The following MTARC1 variants were observed in gnomAD, a reference collection of about 807,000 sequenced individuals.
MTARC1 encodes mitochondrial amidoxime-reducing component 1.
A neutral mutation model predicts 33.6 loss-of-function variants in MTARC1; 24 were observed. The ratio of observed to expected loss-of-function variants is 0.72; its 90% confidence interval spans 0.52 to 1.01. The LOEUF is 1.01. Among genes scored for constraint, MTARC1 ranks in the 50% least tolerant of loss-of-function variants. The pLI is 0.00. For missense variants in MTARC1, 417 were observed against 445.7 expected, an observed-to-expected ratio of 0.94 and a Z score of 0.58; for synonymous variants, 187 against 189.5, an observed-to-expected ratio of 0.99 and a Z score of 0.11.
chr1:220,810,668 T>G (rs1297762186), intron 6 of MTARC1, among the ~76,000 whole-genome samples: 1 of 150,264 alleles, frequency 6.7e-6, no homozygotes, highest in Non-Finnish European at 1.5e-5. Flanking sequence ...AGTGAGTGTG[T>G]CTGTGCTTGG....
At chr1:220,789,728 G>A (rs1672364717) in intron 1 of MTARC1, among the ~76,000 whole-genome samples, 1 of 152,192 alleles carries the variant, frequency 6.6e-6, no homozygotes, top group African/African-American at 2.4e-5. Flanking sequence ...ATATTATTCA[G>A]CCATGAAAAG....
At chr1:220,791,977 G>A (rs778199425) in intron 2 of MTARC1, among the ~76,000 whole-genome samples, 2 of 152,110 alleles carry the variant, frequency 1.3e-5, no homozygotes, top group Non-Finnish European at 2.9e-5. Context: ...CAAAAATGGG[G>A]TGGGAGTGGT....
chr1:220,810,457 A>G (rs1408381019), intron 6 of MTARC1, among the ~76,000 whole-genome samples: 1 of 152,128 alleles, frequency 6.6e-6, no homozygotes, highest in Non-Finnish European at 1.5e-5. Flanking sequence ...AGGCCGGCCC[A>G]CCGAGAACCC....
rs918195438 is a variant in MTARC1 at position 220,818,696 on chromosome 1, C to T, written c.*5278C>T. The T allele has an allele frequency of 6.6e-6, 1 of 152,160 alleles. No individual in the cohort carries two copies. The highest frequency in any genetic ancestry group is 1.9e-4 in the East Asian group (1 of 5,196). 9.4% of individuals were successfully genotyped at this position (152,160 alleles called of 1,614,324 possible). A position where few individuals can be genotyped will look rare whatever the true frequency, so the allele number is the denominator to read the frequency against. On this transcript the variant is annotated 3_prime_UTR_variant, in exon 7 of 7. Transcript: ENST00000366910. ...TAAGTTAAGTCTAACTTTTGTCTCC[C>T]TCTTTAGAATTTACTGGGAGTACTG...
Position 220,787,159 on chromosome 1 carries a change from TG to T in MTARC1, c.216del (p.Pro73ArgfsTer2). The T allele has an allele frequency of 6.3e-7, 1 of 1,577,810 alleles. No individual in the cohort carries two copies. Among genetic ancestry groups the T allele is most frequent in the Non-Finnish European group, 8.6e-7 (1 of 1,162,932 alleles). On this transcript the variant is annotated frameshift_variant, in exon 1 of 7. Coordinates refer to ENST00000366910, the MANE Select transcript of MTARC1 (RefSeq NM_022746.4). LOFTEE classifies it high-confidence loss of function. ...WIYPVKSCKG[V>X]PVSEAECTAM... ...TACCCTGTGAAATCCTGCAAGGGGG[TG>T]CCGGTGAGCGAGGCGGAGTGCACGG...
chr1:220,791,000 T>G (rs1246249635), intron 1 of MTARC1: 1 of 153,590 alleles, frequency 6.5e-6, no homozygotes, highest in Non-Finnish European at 1.5e-5. Context: ...AGAGTATAAG[T>G]GGCACTGTGT....
chr1:220,805,404 C>A, intron 6 of MTARC1, 130 bp downstream of exon 6: 4 of 934,972 alleles, frequency 4.3e-6, no homozygotes, highest in Non-Finnish European at 6.7e-6. Context: ...CAAGAGGGTC[C>A]CATTAACGAG....
At chr1:220,787,829 A>AAAAC (rs201105493) in intron 1 of MTARC1, among the ~76,000 whole-genome samples, 21 of 152,142 alleles carry the variant, frequency 1.4e-4, no homozygotes, top group Middle Eastern at 3.4e-3. Flanking sequence ...GTCTCTACTA[A>AAAAC]AAACAAACAA....
At chr1:220,807,609 A>C (rs1673009511) in intron 6 of MTARC1, among the ~76,000 whole-genome samples, 2 of 152,306 alleles carry the variant, frequency 1.3e-5, no homozygotes, top group African/African-American at 2.4e-5. Flanking sequence ...AAACAAAAAA[A>C]CAAATATATA....
chr1:220,797,999 CGAT>C lies in MTARC1; in HGVS notation c.740_742del (p.Asp247del). 6.2e-7 allele frequency: 1 copy of C among 1,614,176 alleles called. No homozygotes were observed. Among genetic ancestry groups the C allele is most frequent in the Non-Finnish European group, 8.5e-7 (1 of 1,180,012 alleles). ...GGCCCAATATTGTAATTTCAGGATG[CGAT>C]GTCTATGCAGAGGTAACACTATGCC... On this transcript the variant is annotated inframe_deletion, in exon 4 of 7. Transcript: ENST00000366910.
At chr1:220,790,790 A>G (rs1672396422) in intron 1 of MTARC1, among the ~76,000 whole-genome samples, 1 of 152,246 alleles carries the variant, frequency 6.6e-6, no homozygotes, top group Non-Finnish European at 1.5e-5. Context: ...GATAACCTGC[A>G]AAAACATGTT....
intron 4 of MTARC1, among the ~76,000 whole-genome samples, chr1:220,800,051 G>A (rs1245226621): frequency 6.6e-6 from 1 of 152,134 alleles, no homozygotes; most frequent in Non-Finnish European, 1.5e-5. Flanking sequence ...TGTGTGATTT[G>A]TGCACCGAGG....
Position 220,787,207 on chromosome 1 carries a change from A to T in MTARC1, c.263A>T (p.Asn88Ile). The T allele has an allele frequency of 6.4e-7, 1 of 1,572,220 alleles. No individual in the cohort carries two copies. Among genetic ancestry groups the T allele is most frequent in the Non-Finnish European group, 8.6e-7 (1 of 1,160,192 alleles). Residue 88 changes from asparagine (N) to isoleucine (I), a missense_variant, in exon 1 of 7, where the codon AAC (asparagine) becomes ATC (isoleucine). By Grantham distance (149) the Asn-to-Ile change is moderately radical. Coordinates refer to ENST00000366910, the MANE Select transcript of MTARC1 (RefSeq NM_022746.4). Reference protein sequence around the residue: ...ECTAMGLRSGNLRDRFWLVIN... With the variant: ...ECTAMGLRSGILRDRFWLVIN... ...ACGGCCATGGGGCTGCGCAGCGGCA[A>T]CCTGCGGGACAGGTACGGCCAAGCG...
intron 1 of MTARC1, among the ~76,000 whole-genome samples, chr1:220,787,737 C>T (rs376910946): frequency 3.9e-5 from 6 of 152,168 alleles, no homozygotes; most frequent in African/African-American, 9.7e-5. Flanking sequence ...CGCTTGTAAT[C>T]CCAGCACTTT....
At chr1:220,806,338 C>T (rs1672972685) in intron 6 of MTARC1, among the ~76,000 whole-genome samples, 2 of 152,176 alleles carry the variant, frequency 1.3e-5, no homozygotes, top group Non-Finnish European at 2.9e-5. Context: ...TTGTGTAAGA[C>T]CCTTCCTTGG....
intron 6 of MTARC1, chr1:220,808,937 C>G (rs1220401143): frequency 1.1e-5 from 5 of 470,770 alleles, no homozygotes; most frequent in Admixed American, 2.4e-5. Context: ...GACATTTTGC[C>G]CCTAATGGAA....
chr1:220,812,918 G>A (rs951946031), intron 6 of MTARC1, among the ~76,000 whole-genome samples: 8 of 151,886 alleles, frequency 5.3e-5, no homozygotes, highest in Non-Finnish European at 1.0e-4. Context: ...TAGAGATGAG[G>A]TTTCACCGTG....
At chr1:220,805,538 TGACAA>T (rs1672946098) in intron 6 of MTARC1, among the ~76,000 whole-genome samples, 1 of 152,242 alleles carries the variant, frequency 6.6e-6, no homozygotes, top group Non-Finnish European at 1.5e-5. Context: ...TTATGCATTT[TGACAA>T]ATTTTATTAC....
In MTARC1 at chr1:220,817,057, G is replaced by A. The variant is rs1471325261; in HGVS notation, c.*3639G>A. 1 of 152,228 alleles carries A rather than the reference G, an allele frequency of 6.6e-6. No individual in the cohort carries two copies. The highest frequency in any genetic ancestry group is 1.5e-5 in the Non-Finnish European group (1 of 68,142). The allele number at this position is 152,228 out of a possible 1,614,324, so 9.4% of individuals were successfully genotyped here. ...TCCAGGATGCTTCATGCACCAGGGA[G>A]GGGTGCCCTGTTTCTCTTCTGCTAG... On this transcript the variant is annotated 3_prime_UTR_variant, in exon 7 of 7. Transcript: ENST00000366910.
Sources: allele counts gnomAD v4.1 joint callset (sites outside exome capture counted in the v4.1 genomes callset), GRCh38; gene constraint gnomAD v4.1.1; transcripts MANE v1.5; gene names NCBI Gene and HGNC (gene_info 2026-07-23, HGNC 2026-07-21).